Variants in KIF16B observed in about 807,000 individuals in gnomAD.
KIF16B encodes kinesin family member 16B, also known as kinesin-like protein KIF16B.
In KIF16B, 98 loss-of-function variants were observed where a neutral mutation model predicts 156.3. That is an observed-to-expected ratio of 0.63 (90% CI 0.53 to 0.74). The LOEUF is 0.74. KIF16B is among the 30% of genes least tolerant of loss of function. The probability of loss-of-function intolerance (pLI) is 0.00; values close to 1 mark genes in which losing one functional copy is unlikely to be tolerated. For missense variants in KIF16B, 1,421 were observed against 1,606.5 expected, an observed-to-expected ratio of 0.88 and a Z score of 1.97; for synonymous variants, 564 against 583.7, an observed-to-expected ratio of 0.97 and a Z score of 0.49.
At chr20:16,506,402 TC>T (rs1250001194) in intron 7 of KIF16B, among the ~76,000 whole-genome samples, 1 of 152,220 alleles carries the variant, frequency 6.6e-6, no homozygotes, top group Non-Finnish European at 1.5e-5. Context: ...TCTTAAACTT[TC>T]TAAAGAAGCA....
intron 3 of KIF16B, among the ~76,000 whole-genome samples, chr20:16,520,522 G>GCC (rs1224907051): frequency 6.6e-6 from 1 of 152,230 alleles, no homozygotes; most frequent in African/African-American, 2.4e-5. Context: ...AAAGGCAGTA[G>GCC]CCCCAGTCAG....
intron 13 of KIF16B, among the ~76,000 whole-genome samples, chr20:16,429,619 C>CTAA (rs2066447088): frequency 6.6e-6 from 1 of 152,132 alleles, no homozygotes; most frequent in African/African-American, 2.4e-5. Flanking sequence ...CTCCCTCTTA[C>CTAA]TAATCCTACA....
intron 12 of KIF16B, among the ~76,000 whole-genome samples, chr20:16,492,968 C>G (rs2068340750): frequency 6.6e-6 from 1 of 152,136 alleles, no homozygotes; most frequent in African/African-American, 2.4e-5. Context: ...ACTTAAACAA[C>G]AACAAAGTCA....
chr20:16,415,342 C>G (rs1276739075), intron 15 of KIF16B, among the ~76,000 whole-genome samples: 1 of 152,136 alleles, frequency 6.6e-6, no homozygotes, highest in African/African-American at 2.4e-5. Context: ...TAGGCTCATA[C>G]GCACTCCACA....
intron 3 of KIF16B, among the ~76,000 whole-genome samples, chr20:16,524,716 C>T (rs1229433426): frequency 4.6e-5 from 7 of 152,292 alleles, no homozygotes; most frequent in African/African-American, 1.7e-4. Context: ...ACTATAAAGA[C>T]ACATGCACAC....
chr20:16,472,502 G>A (rs8117630), intron 12 of KIF16B, among the ~76,000 whole-genome samples: 7,910 of 142,872 alleles, frequency 0.055, 683 homozygotes, highest in African/African-American at 0.19. Flanking sequence ...TAACCCTAAC[G>A]TCATGTAACT....
chr20:16,331,299 T>C (rs997361777), intron 24 of KIF16B, among the ~76,000 whole-genome samples: 3 of 152,226 alleles, frequency 2.0e-5, no homozygotes, highest in Non-Finnish European at 4.4e-5. Flanking sequence ...TCAAGAGACC[T>C]GTCACACCAA....
intron 25 of KIF16B, among the ~76,000 whole-genome samples, chr20:16,288,733 T>TGGC (rs1289163075): frequency 2.5e-4 from 38 of 151,230 alleles, no homozygotes; most frequent in Middle Eastern, 6.8e-3. Flanking sequence ...CAGTATGTAC[T>TGGC]GATGATAAGG....
intron 15 of KIF16B, among the ~76,000 whole-genome samples, chr20:16,416,158 T>C (rs1022647155): frequency 1.3e-5 from 2 of 152,158 alleles, no homozygotes; most frequent in Non-Finnish European, 2.9e-5. Flanking sequence ...ATTCTGTAGG[T>C]TGTCTGTTTG....
At chr20:16,518,057 G>A (rs2069202355) in intron 3 of KIF16B, among the ~76,000 whole-genome samples, 1 of 152,140 alleles carries the variant, frequency 6.6e-6, no homozygotes, top group Non-Finnish European at 1.5e-5. Flanking sequence ...AGGGGCTCAG[G>A]GGGTTTGGGG....
chr20:16,536,798 C>T (rs1044037266), intron 1 of KIF16B, among the ~76,000 whole-genome samples: 2 of 152,130 alleles, frequency 1.3e-5, no homozygotes, highest in Non-Finnish European at 2.9e-5. Flanking sequence ...CATCCACACC[C>T]TGTGGACCAA....
intron 23 of KIF16B, among the ~76,000 whole-genome samples, chr20:16,352,064 C>G (rs184398463): frequency 6.6e-6 from 1 of 152,172 alleles, no homozygotes; most frequent in Non-Finnish European, 1.5e-5. Flanking sequence ...AGAGCAGACA[C>G]GACTAATCTG....
At chr20:16,562,639 G>T (rs1443147890) in intron 1 of KIF16B, among the ~76,000 whole-genome samples, 2 of 102,354 alleles carry the variant, frequency 2.0e-5, no homozygotes, top group Non-Finnish European at 4.3e-5. Context: ...ACAGTTCCAG[G>T]CCCCGGGGAA....
At chr20:16,524,417 C>G (rs199787888) in intron 3 of KIF16B, among the ~76,000 whole-genome samples, 1 of 151,772 alleles carries the variant, frequency 6.6e-6, no homozygotes, top group Non-Finnish European at 1.5e-5. Flanking sequence ...AACAAACATA[C>G]GAAAAAAAAG....
intron 12 of KIF16B, among the ~76,000 whole-genome samples, chr20:16,471,596 C>G (rs1023463624): frequency 6.6e-6 from 1 of 152,200 alleles, no homozygotes; most frequent in Non-Finnish European, 1.5e-5. Flanking sequence ...ATTTCTCTTA[C>G]AGAGAGGGCT....
At chr20:16,383,324 G>T (rs955634399) in intron 17 of KIF16B, among the ~76,000 whole-genome samples, 2 of 152,178 alleles carry the variant, frequency 1.3e-5, no homozygotes, top group African/African-American at 4.8e-5. Context: ...AGTGGTAATA[G>T]GTGGTGGAGC....
chr20:16,381,201 C>T (rs575264340), intron 18 of KIF16B, among the ~76,000 whole-genome samples: 3 of 152,120 alleles, frequency 2.0e-5, no homozygotes, highest in South Asian at 2.1e-4. Flanking sequence ...TCCACCCTGC[C>T]CCCCCATACA....
intron 1 of KIF16B, among the ~76,000 whole-genome samples, chr20:16,552,248 C>G (rs116204218): frequency 4.6e-5 from 7 of 152,304 alleles, no homozygotes; most frequent in African/African-American, 9.6e-5. Flanking sequence ...CACAAGGAAG[C>G]CTTTAGCTTC....
chr20:16,535,600 C>A (rs2069928994), intron 1 of KIF16B, among the ~76,000 whole-genome samples: 1 of 152,096 alleles, frequency 6.6e-6, no homozygotes, highest in Non-Finnish European at 1.5e-5. Context: ...ACCTTTTCCC[C>A]ATTCGCTACA....
Sources: allele counts gnomAD v4.1 joint callset (sites outside exome capture counted in the v4.1 genomes callset), GRCh38; gene constraint gnomAD v4.1.1; transcripts MANE v1.5; gene names NCBI Gene and HGNC (gene_info 2026-07-23, HGNC 2026-07-21).